PTPN14: variants seen among roughly 807,000 people sequenced by gnomAD.
PTPN14 encodes tyrosine-protein phosphatase non-receptor type 14.
Under a neutral mutation model 126.8 loss-of-function variants are expected in PTPN14, and 53 were observed. The observed-to-expected ratio is 0.42, with a 90% CI of 0.34 to 0.53. The LOEUF (loss-of-function observed/expected upper bound fraction) is 0.53, where lower values mean the gene tolerates loss of function less well. Among genes scored for constraint, PTPN14 ranks in the 20% least tolerant of loss-of-function variants. PTPN14 has a pLI of 0.08. For missense variants in PTPN14, 1,257 were observed against 1,552.9 expected, an observed-to-expected ratio of 0.81 and a Z score of 3.20; for synonymous variants, 630 against 599.3, an observed-to-expected ratio of 1.05 and a Z score of -0.75.
chr1:214,492,112 A>T (rs952644330), intron 1 of PTPN14, among the ~76,000 whole-genome samples: 2 of 152,158 alleles, frequency 1.3e-5, no homozygotes, highest in Admixed American at 1.3e-4. Flanking sequence ...ATTTTAAAAT[A>T]TGATATTCAT....
intron 1 of PTPN14, among the ~76,000 whole-genome samples, chr1:214,513,823 T>C (rs1655035947): frequency 6.6e-6 from 1 of 152,218 alleles, no homozygotes; most frequent in Non-Finnish European, 1.5e-5. Flanking sequence ...TGAGATAATG[T>C]GTGCAAGGTG....
Position 214,402,332 on chromosome 1 carries a change from C to T in PTPN14, c.581+551G>A, listed in dbSNP as rs560184230. ...GCATGTGCCTGTAATCCCAGCTACT[C>T]GAGAGTCTGAGGCATGAGAATTGCT... On this transcript the variant is annotated intron_variant, in intron 6 of 18. Transcript: ENST00000366956. Among the ~76,000 whole-genome samples, 10 of 148,732 alleles carry T rather than the reference C, an allele frequency of 6.7e-5. No individual in the cohort carries two copies. In the South Asian group the frequency reaches 1.1e-3, roughly 16 times the overall value.
chr1:214,391,542 T>C (rs1658751969), intron 10 of PTPN14, among the ~76,000 whole-genome samples: 2 of 152,086 alleles, frequency 1.3e-5, no homozygotes, highest in South Asian at 4.1e-4. Flanking sequence ...TTTACAAACA[T>C]TGATCAGATA....
intron 1 of PTPN14, among the ~76,000 whole-genome samples, chr1:214,473,043 T>G (rs976535867): frequency 1.3e-5 from 2 of 152,208 alleles, no homozygotes; most frequent in Admixed American, 6.5e-5. Context: ...CTTCTAAAAT[T>G]CACTTCTGAG....
rs1305944125 is a variant in PTPN14 at position 214,353,967 on chromosome 1, A to G, written c.*3955T>C. On this transcript the variant is annotated 3_prime_UTR_variant, in exon 19 of 19. Transcript: ENST00000366956. ...TTGGAAATTTCATATGGGTCAATCT[A>G]TATTAAGCTGGAAAAATAATCAGCT... 2 of 152,244 alleles carry G rather than the reference A, an allele frequency of 1.3e-5. No individual in the cohort carries two copies. Among genetic ancestry groups the G allele is most frequent in the Non-Finnish European group, 2.9e-5 (2 of 68,048 alleles). 9.4% of individuals were successfully genotyped at this position (152,244 alleles called of 1,614,324 possible).
chr1:214,372,569 T>A, intron 16 of PTPN14, 142 bp downstream of exon 16: 2 of 1,202,094 alleles, frequency 1.7e-6, no homozygotes, highest in East Asian at 2.4e-5. Context: ...AGAAAACAGA[T>A]GTATACCAAA....
chr1:214,538,911 A>C (rs1395161684), intron 1 of PTPN14, among the ~76,000 whole-genome samples: 1 of 152,156 alleles, frequency 6.6e-6, no homozygotes, highest in Non-Finnish European at 1.5e-5. Flanking sequence ...ACTGAACGTT[A>C]CTCTTCAATG....
chr1:214,457,665 T>C (rs1014888349), intron 2 of PTPN14, among the ~76,000 whole-genome samples: 1 of 152,222 alleles, frequency 6.6e-6, no homozygotes, highest in Non-Finnish European at 1.5e-5. Context: ...ATATTTAATT[T>C]TAAATCTTCT....
intron 12 of PTPN14, among the ~76,000 whole-genome samples, chr1:214,385,452 A>G (rs1412605576): frequency 1.3e-5 from 2 of 151,412 alleles, no homozygotes; most frequent in Admixed American, 1.3e-4. Flanking sequence ...TAGTTTAAAG[A>G]GGTACCTAAA....
At chr1:214,519,306 A>G (rs1218305071) in intron 1 of PTPN14, among the ~76,000 whole-genome samples, 7 of 152,126 alleles carry the variant, frequency 4.6e-5, no homozygotes, top group Non-Finnish European at 8.8e-5. Context: ...TCAAGAGGGA[A>G]GCACCTTTAT....
At chr1:214,477,709 C>G (rs1001315790) in intron 1 of PTPN14, among the ~76,000 whole-genome samples, 4 of 152,186 alleles carry the variant, frequency 2.6e-5, no homozygotes, top group African/African-American at 9.7e-5. Context: ...GTCTGCAACC[C>G]TGTAGGGTGT....
intron 1 of PTPN14, among the ~76,000 whole-genome samples, chr1:214,522,252 T>C (rs969047156): frequency 6.6e-6 from 1 of 152,084 alleles, no homozygotes; most frequent in African/African-American, 2.4e-5. Flanking sequence ...TCTTATATCA[T>C]CTTTTCCCCA....
chr1:214,357,917 G>A lies in PTPN14; in HGVS notation c.*5C>T, dbSNP rs1170219572. ...GTCCCTCCTCCAGGAGCTGGATTGG[G>A]GTGATTAAATGAGTCTGGAGTTTTG... On this transcript the variant is annotated 3_prime_UTR_variant, in exon 19 of 19. Transcript: ENST00000366956. 6.2e-7 allele frequency: 1 copy of A among 1,611,544 alleles called. No individual in the cohort carries two copies. Among genetic ancestry groups the A allele is most frequent in the Non-Finnish European group, 8.5e-7 (1 of 1,178,618 alleles).
chr1:214,384,922 G>A lies in PTPN14; in HGVS notation c.1067-134C>T. ...GAAATCCCATGGTCTCCACCCACAT[G>A]TTCTATAGAATAACAGATACTATCT... On this transcript the variant is annotated intron_variant, in intron 12 of 18. Coordinates refer to ENST00000366956, the MANE Select transcript of PTPN14 (RefSeq NM_005401.5). The surrounding 1 kb of genome is among the most constrained non-coding windows in gnomAD (Gnocchi z 5.3). 2 of 1,023,494 alleles carry A rather than the reference G, an allele frequency of 2.0e-6. No individual in the cohort carries two copies. Among genetic ancestry groups the A allele is most frequent in the South Asian group, 1.6e-5 (1 of 61,454 alleles). The allele number at this position is 1,023,494 out of a possible 1,614,324, so 63.4% of individuals were successfully genotyped here. A position where few individuals can be genotyped will look rare whatever the true frequency, so the allele number is the denominator to read the frequency against.
In PTPN14 at chr1:214,356,572, A is replaced by T. The variant is rs1259020666; in HGVS notation, c.*1350T>A. Reference sequence around the variant, plus strand: ...GACACTGACCAATGAAGCCATAGGAAGAAACTAAGAACTGGGCTTCAAAGT... The same window carrying T: ...GACACTGACCAATGAAGCCATAGGATGAAACTAAGAACTGGGCTTCAAAGT... On this transcript the variant is annotated 3_prime_UTR_variant, in exon 19 of 19. Coordinates refer to ENST00000366956, the MANE Select transcript of PTPN14 (RefSeq NM_005401.5). 1 of 152,266 alleles carries T rather than the reference A, an allele frequency of 6.6e-6. No homozygotes were observed. Among genetic ancestry groups the T allele is most frequent in the Non-Finnish European group, 1.5e-5 (1 of 68,046 alleles). The allele number at this position is 152,266 out of a possible 1,614,324, so 9.4% of individuals were successfully genotyped here.
intron 1 of PTPN14, among the ~76,000 whole-genome samples, chr1:214,480,146 C>A (rs967726531): frequency 1.1e-4 from 17 of 152,130 alleles, no homozygotes; most frequent in Admixed American, 4.6e-4. Context: ...ACTTCTGATT[C>A]TTTCATTGGA....
chr1:214,379,899 C>T (rs567601338), intron 13 of PTPN14, among the ~76,000 whole-genome samples: 1 of 152,330 alleles, frequency 6.6e-6, no homozygotes, highest in East Asian at 1.9e-4. Context: ...TCAGGACCTC[C>T]TGAGGCTGTG....
chr1:214,462,715 CT>C (rs1486444119), intron 2 of PTPN14, among the ~76,000 whole-genome samples: 1 of 152,202 alleles, frequency 6.6e-6, no homozygotes, highest in East Asian at 1.9e-4. Context: ...TTGATATTAA[CT>C]GTTTATTTAA....
At chr1:214,402,699 G>A (rs957568407) in intron 6 of PTPN14, among the ~76,000 whole-genome samples, 184 bp downstream of exon 6, 5 of 149,558 alleles carry the variant, frequency 3.3e-5, no homozygotes, top group Non-Finnish European at 7.4e-5. Flanking sequence ...AGGAAGGAAC[G>A]GAGCAGTTTT....
Sources: gnomAD v4.1 joint callset for allele counts (sites outside exome capture counted in the v4.1 genomes callset) on GRCh38, gnomAD v4.1.1 for gene constraint, Gnocchi (gnomAD v3.1) non-coding constraint, MANE v1.5 for transcripts, NCBI Gene and HGNC (gene_info 2026-07-23, HGNC 2026-07-21) for gene names.